The following CSMD1 variants were observed in gnomAD, a reference collection of about 807,000 sequenced individuals.
CSMD1 encodes the protein CUB and Sushi multiple domains 1.
CSMD1 carries 213 observed loss-of-function variants against 417.5 expected under a neutral mutation model. The ratio of observed to expected loss-of-function variants is 0.51; its 90% CI spans 0.46 to 0.57. The LOEUF is 0.57. CSMD1 is among the 20% of genes least tolerant of loss of function. The pLI is 0.00. For synonymous variants in CSMD1, 2,862 were observed against 1,736.8 expected (o/e 1.65, Z -16.11); for missense variants, 6,923 against 4,529.7 (o/e 1.53, Z -15.17).
chr8:3,911,957 T>G (rs1445410397), intron 5 of CSMD1, among the ~76,000 whole-genome samples: 6 of 152,198 alleles, frequency 3.9e-5, no homozygotes, highest in African/African-American at 1.4e-4. Flanking sequence ...CACCTGAATC[T>G]TACATCTTCC....
intron 1 of CSMD1, among the ~76,000 whole-genome samples, chr8:4,795,370 C>T (rs1031094379): frequency 3.5e-5 from 5 of 142,268 alleles, no homozygotes; most frequent in Non-Finnish European, 7.5e-5. Context: ...CTCCCAGGTT[C>T]AAGCAATTCT....
At chr8:3,017,422 G>C (rs1158858550) in intron 52 of CSMD1, among the ~76,000 whole-genome samples, 1 of 152,038 alleles carries the variant, frequency 6.6e-6, no homozygotes, top group African/African-American at 2.4e-5. Flanking sequence ...ACTGTAATGA[G>C]GACACCCAAC....
At chr8:4,267,957 T>G (rs1305124629) in intron 3 of CSMD1, among the ~76,000 whole-genome samples, 1 of 152,152 alleles carries the variant, frequency 6.6e-6, no homozygotes, top group Non-Finnish European at 1.5e-5. Flanking sequence ...ACTACATTTT[T>G]GGATCTATTT....
At chr8:4,512,323 G>C (rs188465015) in intron 2 of CSMD1, among the ~76,000 whole-genome samples, 1 of 152,204 alleles carries the variant, frequency 6.6e-6, no homozygotes, top group East Asian at 1.9e-4. Flanking sequence ...AAAAAACCCT[G>C]CAGCTAACAT....
At chr8:4,898,607 C>T (rs984552292) in intron 1 of CSMD1, among the ~76,000 whole-genome samples, 14 of 152,008 alleles carry the variant, frequency 9.2e-5, no homozygotes, top group East Asian at 7.7e-4. Flanking sequence ...TGGCTAATAA[C>T]GACAGTGTCT....
At position 2,957,697 on chromosome 8, in the gene CSMD1, T is replaced by C. The variant is rs1279271087; in HGVS notation, c.9813A>G (p.Ile3271Met). Residue 3271 changes from isoleucine to methionine, a missense_variant and splice_region_variant, in exon 63 of 70, where the codon ATA becomes ATG. Coordinates refer to ENST00000635120, the MANE Select transcript of CSMD1 (RefSeq NM_033225.6). The part of the protein sequence containing the change: ...LTWSGIQTEC[I>M]PHACRQPETP... ...GGGGGTGGAAGAAATCACACTTACGTATACATTCGGTCTGTATCCCACTCC... is the reference window on the plus strand; with the variant it reads ...GGGGGTGGAAGAAATCACACTTACGCATACATTCGGTCTGTATCCCACTCC... 1.3e-6 allele frequency: 2 copies of C among 1,568,010 alleles called. No individual in the cohort carries two copies. The highest frequency in any genetic ancestry group is 1.8e-5 in the Admixed American group (1 of 55,382).
At chr8:4,313,806 G>C (rs1239556756) in intron 3 of CSMD1, among the ~76,000 whole-genome samples, 1 of 151,946 alleles carries the variant, frequency 6.6e-6, no homozygotes, top group Non-Finnish European at 1.5e-5. Flanking sequence ...AAAAGGTCAG[G>C]AGTTCGAGAC....
intron 3 of CSMD1, among the ~76,000 whole-genome samples, chr8:4,286,718 C>A (rs1329046253): frequency 1.3e-5 from 2 of 152,180 alleles, no homozygotes; most frequent in Non-Finnish European, 2.9e-5. Context: ...GTATGCAGCT[C>A]ACACGGTAGA....
At chr8:4,585,203 A>G (rs1465916380) in intron 2 of CSMD1, among the ~76,000 whole-genome samples, 1 of 152,192 alleles carries the variant, frequency 6.6e-6, no homozygotes, top group Non-Finnish European at 1.5e-5. Flanking sequence ...TCAAAGAAAT[A>G]AAGAGCACCA....
At chr8:4,615,455 T>G (rs1801421467) in intron 2 of CSMD1, among the ~76,000 whole-genome samples, 1 of 152,182 alleles carries the variant, frequency 6.6e-6, no homozygotes, top group East Asian at 1.9e-4. Context: ...CAGACCAATT[T>G]CCTCATTGAT....
chr8:3,485,526 T>TACACACACAC (rs149963962), intron 11 of CSMD1, among the ~76,000 whole-genome samples: 4,688 of 136,002 alleles, frequency 0.034, 298 homozygotes, highest in African/African-American at 0.12. Flanking sequence ...TTCATAACAA[T>TACACACACAC]ACACACACAC....
At chr8:3,556,516 G>GCACACA (rs71708244) in intron 10 of CSMD1, among the ~76,000 whole-genome samples, 70 of 137,732 alleles carry the variant, frequency 5.1e-4, no homozygotes, top group Admixed American at 2.7e-3. Context: ...TTTTTCACAC[G>GCACACA]CACACACACA....
chr8:4,372,535 A>T (rs1297999000), intron 3 of CSMD1, among the ~76,000 whole-genome samples: 1 of 152,116 alleles, frequency 6.6e-6, no homozygotes, highest in Non-Finnish European at 1.5e-5. Context: ...CATCCAATAA[A>T]ATGATTCAAA....
At chr8:4,618,461 C>A (rs908000633) in intron 2 of CSMD1, among the ~76,000 whole-genome samples, 1 of 151,552 alleles carries the variant, frequency 6.6e-6, no homozygotes, top group South Asian at 2.1e-4. Context: ...GACCTAAGGC[C>A]TATTTTATAT....
At chr8:4,980,957 A>G (rs1347459684) in intron 1 of CSMD1, among the ~76,000 whole-genome samples, 1 of 152,160 alleles carries the variant, frequency 6.6e-6, no homozygotes, top group Non-Finnish European at 1.5e-5. Flanking sequence ...ATGGACTAGT[A>G]TGAGCAACTT....
chr8:4,180,660 G>T (rs1798314472), intron 3 of CSMD1, among the ~76,000 whole-genome samples: 1 of 152,008 alleles, frequency 6.6e-6, no homozygotes, highest in Admixed American at 6.5e-5. Flanking sequence ...ATCCTGCCCT[G>T]CCAGCACTGG....
chr8:4,483,835 T>C (rs1407211631), intron 2 of CSMD1, among the ~76,000 whole-genome samples: 1 of 152,170 alleles, frequency 6.6e-6, no homozygotes, highest in Non-Finnish European at 1.5e-5. Context: ...CTCTAGAAAA[T>C]AACAAAATAT....
At chr8:3,672,358 TG>T (rs1799118976) in intron 7 of CSMD1, among the ~76,000 whole-genome samples, 1 of 152,150 alleles carries the variant, frequency 6.6e-6, no homozygotes, top group African/African-American at 2.4e-5. Flanking sequence ...TTGTAGTGTG[TG>T]TCGGCATTTA....
chr8:3,955,195 C>G (rs541391899), intron 5 of CSMD1, among the ~76,000 whole-genome samples: 20 of 152,308 alleles, frequency 1.3e-4, no homozygotes, highest in South Asian at 8.3e-4. Flanking sequence ...TGACCACGTG[C>G]AGAGCACCTT....
Sources: allele counts gnomAD v4.1 joint callset (sites outside exome capture counted in the v4.1 genomes callset), GRCh38; gene constraint gnomAD v4.1.1; transcripts MANE v1.5; gene names NCBI Gene and HGNC (gene_info 2026-07-23, HGNC 2026-07-21).